KCND3: variants seen among roughly 807,000 people sequenced by gnomAD.
The protein encoded by KCND3 is potassium voltage-gated channel subfamily D member 3.
KCND3 carries 9 observed loss-of-function variants against 51.1 expected under a neutral mutation model. That is an observed-to-expected ratio of 0.18 (90% CI 0.11 to 0.31). The LOEUF (loss-of-function observed/expected upper bound fraction) is 0.31, where lower values mean the gene tolerates loss of function less well. Among genes scored for constraint, KCND3 ranks in the 10% least tolerant of loss-of-function variants. The pLI is 1.00. For synonymous variants in KCND3, 349 were observed against 368.0 expected (o/e 0.95, Z 0.59); for missense variants, 526 against 903.8 (o/e 0.58, Z 5.36).
chr1:111,830,533 CA>C (rs1325322644), intron 2 of KCND3, among the ~76,000 whole-genome samples: 1 of 152,228 alleles, frequency 6.6e-6, no homozygotes, highest in African/African-American at 2.4e-5. Context: ...CTCTCAGGGA[CA>C]ACCCTACCCT....
chr1:111,780,445 G>T lies in KCND3; in HGVS notation c.1372-131C>A, dbSNP rs1482546532. On this transcript the variant is annotated intron_variant, in intron 4 of 7. Coordinates refer to ENST00000302127, the MANE Select transcript of KCND3 (RefSeq NM_001378969.1). This position sits in a 1 kb window ranked among gnomAD's most constrained non-coding sequence, Gnocchi z 4.2. ...TTTTTTTATTTGACCAAATTTCAGG[G>T]TCAGCATTGAATATGCTAACCTTTG... The T allele has an allele frequency of 2.1e-6, 2 of 972,818 alleles. No homozygotes were observed. The highest frequency in any genetic ancestry group is 1.6e-5 in the African/African-American group (1 of 61,476). The allele number at this position is 972,818 out of a possible 1,614,324, so 60.3% of individuals were successfully genotyped here.
In KCND3 at chr1:111,947,308, A is replaced by G. The variant is rs574976626; in HGVS notation, c.1106+34313T>C. ...GAATGATTACCATGTGCCAGGCACC[A>G]TTCCAGGTGCTAGGGATATAACAGT... On this transcript the variant is annotated intron_variant, in intron 2 of 7. Coordinates refer to ENST00000302127, the MANE Select transcript of KCND3 (RefSeq NM_001378969.1). Among the ~76,000 whole-genome samples the G allele has an allele frequency of 6.0e-4, 91 of 152,366 alleles. 1 individual carries two copies. The highest frequency in any genetic ancestry group is 2.1e-3 in the African/African-American group (86 of 41,590).
At chr1:111,811,824 T>C (rs1665865568) in intron 2 of KCND3, among the ~76,000 whole-genome samples, 1 of 152,212 alleles carries the variant, frequency 6.6e-6, no homozygotes, top group South Asian at 2.1e-4. Flanking sequence ...GTAAGTATCA[T>C]TAGCATTTTT....
chr1:111,891,015 A>G (rs1434114991), intron 2 of KCND3, among the ~76,000 whole-genome samples: 1 of 152,184 alleles, frequency 6.6e-6, no homozygotes, highest in Non-Finnish European at 1.5e-5. Flanking sequence ...GACAGGCTGC[A>G]TGGCAGAGTG....
chr1:111,903,471 C>T (rs1422304881), intron 2 of KCND3, among the ~76,000 whole-genome samples: 1 of 152,230 alleles, frequency 6.6e-6, no homozygotes, highest in East Asian at 1.9e-4. Context: ...CTTCTCTGCT[C>T]AGGCTCAGAG....
chr1:111,796,677 TTAA>T (rs1407409907), intron 2 of KCND3, among the ~76,000 whole-genome samples: 6 of 152,164 alleles, frequency 3.9e-5, no homozygotes, highest in Non-Finnish European at 8.8e-5. Context: ...AGTACTAGGC[TTAA>T]TACCTGGGTG....
chr1:111,790,462 C>A (rs1664779906), intron 2 of KCND3, among the ~76,000 whole-genome samples: 1 of 152,136 alleles, frequency 6.6e-6, no homozygotes, highest in Non-Finnish European at 1.5e-5. Context: ...TGCCATATTT[C>A]CCATGCCCCA....
intron 2 of KCND3, among the ~76,000 whole-genome samples, chr1:111,866,263 C>CTTTTTTTT (rs11399761): frequency 1.1e-4 from 6 of 54,254 alleles, no homozygotes; most frequent in African/African-American, 1.8e-4. Flanking sequence ...CTTTTCTTTT[C>CTTTTTTTT]TTTTTTTTTT....
intron 3 of KCND3, among the ~76,000 whole-genome samples, chr1:111,785,253 C>T (rs1664556095): frequency 6.6e-6 from 1 of 152,158 alleles, no homozygotes; most frequent in Admixed American, 6.5e-5. Flanking sequence ...CTAGAGGATC[C>T]CTGGCCCTTC....
chr1:111,891,781 A>T (rs1377863727), intron 2 of KCND3, among the ~76,000 whole-genome samples: 1 of 152,202 alleles, frequency 6.6e-6, no homozygotes, highest in South Asian at 2.1e-4. Flanking sequence ...GTAAATGAAT[A>T]AATTGGTATC....
In KCND3 at chr1:111,787,040, G is replaced by T. The variant is rs533201615; in HGVS notation, c.1173C>A (p.Gly391=). 2 of 1,614,172 alleles carry T rather than the reference G, an allele frequency of 1.2e-6. No individual in the cohort carries two copies. The highest frequency in any genetic ancestry group is 1.7e-6 in the Non-Finnish European group (2 of 1,180,012). ...GGACTGGCAGGGCAATGACCAGGAC[G>T]CCACTCAAGGAGCAGATGGAGCCGA... is the stretch of plus-strand genomic sequence containing the variant. The part of the protein sequence containing the change: ...KIFGSICSLS[G]VLVIALPVPV... The change falls in exon 3 of 8, where the codon GGC becomes GGA. Residue 391 remains glycine, a synonymous_variant. Transcript: ENST00000302127.
At chr1:111,894,723 G>A (rs534904534) in intron 2 of KCND3, among the ~76,000 whole-genome samples, 2 of 152,314 alleles carry the variant, frequency 1.3e-5, no homozygotes, top group South Asian at 2.1e-4. Context: ...GCAGCCATCT[G>A]GTCCCAAGTG....
At chr1:111,986,349 T>G (rs1675285674) in intron 1 of KCND3, among the ~76,000 whole-genome samples, 1 of 152,234 alleles carries the variant, frequency 6.6e-6, no homozygotes, top group African/African-American at 2.4e-5. Context: ...GGCTAAGTTC[T>G]GTGTATATGG....
At chr1:111,866,634 C>T (rs1668589392) in intron 2 of KCND3, among the ~76,000 whole-genome samples, 2 of 116,510 alleles carry the variant, frequency 1.7e-5, no homozygotes, top group Admixed American at 8.7e-5. Flanking sequence ...GGCTGAGAAG[C>T]TGAGTAGTGT....
intron 2 of KCND3, among the ~76,000 whole-genome samples, chr1:111,835,913 C>T (rs115602642): frequency 0.012 from 1,772 of 152,246 alleles, 44 homozygotes; most frequent in African/African-American, 0.04. Context: ...AATTCTTTCT[C>T]GTGTGAAGTC....
intron 2 of KCND3, among the ~76,000 whole-genome samples, chr1:111,907,394 G>A (rs556390186): frequency 6.6e-5 from 10 of 152,320 alleles, no homozygotes; most frequent in East Asian, 1.9e-4. Context: ...ATGACATGGC[G>A]TTCATCTTGG....
intron 2 of KCND3, among the ~76,000 whole-genome samples, chr1:111,872,341 T>G (rs1668860304): frequency 6.6e-6 from 1 of 152,212 alleles, no homozygotes; most frequent in South Asian, 2.1e-4. Flanking sequence ...CTTCTAGGAA[T>G]GCACATTATT....
At chr1:111,835,227 G>A (rs1332916814) in intron 2 of KCND3, among the ~76,000 whole-genome samples, 2 of 152,166 alleles carry the variant, frequency 1.3e-5, no homozygotes, top group Admixed American at 6.5e-5. Flanking sequence ...GGGAGCCTCC[G>A]TGGCTTGACA....
chr1:111,961,270 C>A (rs2101931464), intron 2 of KCND3, among the ~76,000 whole-genome samples: 2 of 152,346 alleles, frequency 1.3e-5, no homozygotes, highest in Middle Eastern at 6.8e-3. Context: ...GTGCTCTGAG[C>A]AGCTCTGTCA....
Sources: gnomAD v4.1 joint callset for allele counts (sites outside exome capture counted in the v4.1 genomes callset) on GRCh38, gnomAD v4.1.1 for gene constraint, Gnocchi (gnomAD v3.1) non-coding constraint, MANE v1.5 for transcripts, NCBI Gene and HGNC (gene_info 2026-07-23, HGNC 2026-07-21) for gene names.